HSPB1: variants seen among roughly 807,000 people sequenced by gnomAD.
HSPB1 encodes the protein heat shock protein beta-1.
HSPB1 carries 19 observed loss-of-function variants against 17.0 expected under a neutral mutation model. The observed-to-expected ratio is 1.12, with a 90% CI of 0.78 to 1.64. The LOEUF (loss-of-function observed/expected upper bound fraction) is 1.64, where lower values mean the gene tolerates loss of function less well. Ranked by LOEUF, HSPB1 falls within the 40% of genes most tolerant of loss-of-function variation. The probability of loss-of-function intolerance (pLI) is 0.00; values close to 1 mark genes in which losing one functional copy is unlikely to be tolerated. For synonymous variants in HSPB1, 165 were observed against 129.8 expected (o/e 1.27, Z -1.84); for missense variants, 348 against 289.2 (o/e 1.20, Z -1.47).
Position 76,304,126 on chromosome 7 carries a change from C to T in HSPB1, c.571C>T (p.Leu191Phe). 1.9e-6 allele frequency: 3 copies of T among 1,612,874 alleles called. No homozygotes were observed. Among genetic ancestry groups the T allele is most frequent in the Non-Finnish European group, 2.5e-6 (3 of 1,179,642 alleles). Reference protein sequence around the residue: ...IPVTFESRAQLGGPEAAKSDE... With the variant: ...IPVTFESRAQFGGPEAAKSDE... ...AGTCACCTTCGAGTCGCGGGCCCAG[C>T]TTGGGGGCCCAGAAGCTGCAAAATC... The change falls in exon 3 of 3, where the codon CTT (leucine) becomes TTT (phenylalanine). Residue 191 changes from leucine (L) to phenylalanine (F), a missense_variant. By Grantham distance (22) the Leu-to-Phe change is conservative. Transcript: ENST00000248553.
chr7:76,303,788 T>G lies in HSPB1; in HGVS notation c.365-14T>G, dbSNP rs759159152. On this transcript the variant is annotated splice_polypyrimidine_tract_variant and intron_variant, in intron 1 of 2. Coordinates refer to ENST00000248553, the MANE Select transcript of HSPB1 (RefSeq NM_001540.5). ...CCCCTCCCCCGCAGTCTGATTTCCC[T>G]CTTCCCCCCAAAGGCAAGCACGAGG... The G allele has an allele frequency of 1.2e-6, 2 of 1,609,722 alleles. No homozygotes were observed. The highest frequency in any genetic ancestry group is 1.1e-5 in the South Asian group (1 of 90,940).
In HSPB1 at chr7:76,302,739, G is replaced by A; in HGVS notation, c.27G>A (p.Ser9=). Residue 9 remains serine (S), a synonymous_variant, in exon 1 of 3, where the codon TCG becomes TCA. Transcript: ENST00000248553. MTERRVPF[S]LLRGPSWDPF... ...TGACCGAGCGCCGCGTCCCCTTCTC[G>A]CTCCTGCGGGGCCCCAGCTGGGACC... 6.2e-7 allele frequency: 1 copy of A among 1,605,050 alleles called. No individual in the cohort carries two copies. Among genetic ancestry groups the A allele is most frequent in the Non-Finnish European group, 8.5e-7 (1 of 1,179,796 alleles).
intron 1 of HSPB1, chr7:76,303,558 T>TGCGTACTGCTCACTCCCCAGCTCC (rs1803048634): frequency 1.7e-6 from 1 of 588,580 alleles, no homozygotes; most frequent in African/African-American, 1.9e-5. Flanking sequence ...CAAGTGCGCC[T>TGCGTACTGCTCACTCCCCAGCTCC]GCGTACTGCT....
chr7:76,303,080 AGCCCCCCT>A lies in HSPB1; in HGVS notation c.364+7_364+14del. 6.6e-7 allele frequency: 1 copy of A among 1,519,496 alleles called. No homozygotes were observed. The highest frequency in any genetic ancestry group is 8.8e-7 in the Non-Finnish European group (1 of 1,134,104). 94.1% of individuals were successfully genotyped at this position (1,519,496 alleles called of 1,614,324 possible). On this transcript the variant is annotated splice_donor_5th_base_variant and intron_variant, in intron 1 of 2. Coordinates refer to ENST00000248553, the MANE Select transcript of HSPB1 (RefSeq NM_001540.5). ...GATGGCGTGGTGGAGATCACCGGTGAGCCCCCCTGCTCCTGCAGGGGAGAGGAGGAGGC... is the reference window on the plus strand; with the variant it reads ...GATGGCGTGGTGGAGATCACCGGTGAGCTCCTGCAGGGGAGAGGAGGAGGC...
intron 1 of HSPB1, 80 bp from the exon 2 acceptor site, chr7:76,303,722 C>A: frequency 8.0e-7 from 1 of 1,256,462 alleles, no homozygotes. Context: ...TGCTTCCAAG[C>A]AGGAGGTGGG....
Position 76,304,240 on chromosome 7 carries a change from C to T in HSPB1, c.*67C>T. On this transcript the variant is annotated 3_prime_UTR_variant, in exon 3 of 3. Coordinates refer to ENST00000248553, the MANE Select transcript of HSPB1 (RefSeq NM_001540.5). Reference sequence around the variant, plus strand: ...GTGCCTCCCCCGCCACCTGTGTGTTCTTTTGATACATTTATCTTCTGTTTT... The same window carrying T: ...GTGCCTCCCCCGCCACCTGTGTGTTTTTTTGATACATTTATCTTCTGTTTT... 1 of 1,384,098 alleles carries T rather than the reference C, an allele frequency of 7.2e-7. No homozygotes were observed. The highest frequency in any genetic ancestry group is 1.2e-5 in the South Asian group (1 of 81,912). The allele number at this position is 1,384,098 out of a possible 1,614,324, so 85.7% of individuals were successfully genotyped here. A position where few individuals can be genotyped will look rare whatever the true frequency, so the allele number is the denominator to read the frequency against.
In HSPB1 at chr7:76,303,074, C is replaced by G; in HGVS notation, c.362C>G (p.Thr121Ser). The G allele has an allele frequency of 6.6e-7, 1 of 1,523,658 alleles. No individual in the cohort carries two copies. Among genetic ancestry groups the G allele is most frequent in the Non-Finnish European group, 8.8e-7 (1 of 1,136,402 alleles). The allele number at this position is 1,523,658 out of a possible 1,614,324, so 94.4% of individuals were successfully genotyped here. Residue 121 changes from threonine to serine, a missense_variant and splice_region_variant, in exon 1 of 3, where the codon ACC becomes AGC. Thr to Ser is a moderately conservative substitution (Grantham distance 58). Coordinates refer to ENST00000248553, the MANE Select transcript of HSPB1 (RefSeq NM_001540.5). ...ACCAAGGATGGCGTGGTGGAGATCA[C>G]CGGTGAGCCCCCCTGCTCCTGCAGG... ...VKTKDGVVEI[T>S]GKHEERQDEH...
Position 76,304,238 on chromosome 7 carries a change from TTC to T in HSPB1, c.*67_*68del. 7.1e-7 allele frequency: 1 copy of T among 1,402,712 alleles called. No individual in the cohort carries two copies. The highest frequency in any genetic ancestry group is 1.2e-5 in the South Asian group (1 of 82,534). 86.9% of individuals were successfully genotyped at this position (1,402,712 alleles called of 1,614,324 possible). ...CTGTGCCTCCCCCGCCACCTGTGTG[TTC>T]TTTTGATACATTTATCTTCTGTTTT... is the stretch of plus-strand genomic sequence containing the variant. On this transcript the variant is annotated 3_prime_UTR_variant, in exon 3 of 3. Transcript: ENST00000248553.
rs778981732 is a variant in HSPB1, at chr7:76,303,105, G to A, written c.364+29G>A. The A allele has an allele frequency of 1.1e-5, 16 of 1,505,552 alleles. No individual in the cohort carries two copies. The Admixed American group carries it at 2.5e-4, about 23-fold the overall frequency. The allele number at this position is 1,505,552 out of a possible 1,614,324, so 93.3% of individuals were successfully genotyped here. ...AGCCCCCCTGCTCCTGCAGGGGAGA[G>A]GAGGAGGCTAGCAGGGCGGGCAGGG... On this transcript the variant is annotated intron_variant, in intron 1 of 2. Coordinates refer to ENST00000248553, the MANE Select transcript of HSPB1 (RefSeq NM_001540.5).
At chr7:76,303,888 G>A (rs370751385) in intron 2 of HSPB1, 23 bp downstream of exon 2, 5 of 1,599,044 alleles carry the variant, frequency 3.1e-6, no homozygotes, top group Non-Finnish European at 4.3e-6. Context: ...GCCAGGTCGG[G>A]GTGGGTGGGT....
chr7:76,304,162 G>A lies in HSPB1; in HGVS notation c.607G>A (p.Ala203Thr), dbSNP rs1339660722. 5 of 1,610,898 alleles carry A rather than the reference G, an allele frequency of 3.1e-6. No individual in the cohort carries two copies. Among genetic ancestry groups the A allele is most frequent in the African/African-American group, 1.3e-5 (1 of 74,936 alleles). Residue 203 changes from alanine (A) to threonine (T), a missense_variant, in exon 3 of 3, where the codon GCC (alanine) becomes ACC (threonine). Ala to Thr is a moderately conservative substitution (Grantham distance 58). Coordinates refer to ENST00000248553, the MANE Select transcript of HSPB1 (RefSeq NM_001540.5). Reference protein sequence around the residue: ...GPEAAKSDETAAK With the variant: ...GPEAAKSDETTAK ...AGAAGCTGCAAAATCCGATGAGACT[G>A]CCGCCAAGTAAAGCCTTAGCCCGGA...
intron 1 of HSPB1, 71 bp from the exon 2 acceptor site, chr7:76,303,731 G>A (rs145206720): frequency 1.7e-5 from 23 of 1,369,966 alleles, no homozygotes; most frequent in Non-Finnish European, 2.3e-5. Context: ...GCAGGAGGTG[G>A]GGCCTCTGGC....
Position 76,303,095 on chromosome 7 carries a change from G to A in HSPB1, c.364+19G>A, listed in dbSNP as rs1396315911. 1 of 1,510,728 alleles carries A rather than the reference G, an allele frequency of 6.6e-7. No individual in the cohort carries two copies. Among genetic ancestry groups the A allele is most frequent in the Non-Finnish European group, 8.8e-7 (1 of 1,130,140 alleles). The allele number at this position is 1,510,728 out of a possible 1,614,324, so 93.6% of individuals were successfully genotyped here. ...ATCACCGGTGAGCCCCCCTGCTCCT[G>A]CAGGGGAGAGGAGGAGGCTAGCAGG... On this transcript the variant is annotated intron_variant, in intron 1 of 2. Transcript: ENST00000248553.
At position 76,304,244 on chromosome 7, in the gene HSPB1, T is replaced by C. The variant is rs187491987; in HGVS notation, c.*71T>C. On this transcript the variant is annotated 3_prime_UTR_variant, in exon 3 of 3. Coordinates refer to ENST00000248553, the MANE Select transcript of HSPB1 (RefSeq NM_001540.5). ...CTCCCCCGCCACCTGTGTGTTCTTT[T>C]GATACATTTATCTTCTGTTTTTCTC... The C allele has an allele frequency of 2.1e-5, 29 of 1,370,486 alleles. No homozygotes were observed. Among genetic ancestry groups the C allele is most frequent in the Non-Finnish European group, 1.6e-5 (16 of 978,574 alleles). The allele number at this position is 1,370,486 out of a possible 1,614,324, so 84.9% of individuals were successfully genotyped here.
intron 1 of HSPB1, 143 bp downstream of exon 1, chr7:76,303,219 C>G: frequency 9.8e-7 from 1 of 1,021,030 alleles, no homozygotes; most frequent in Non-Finnish European, 1.4e-6. Context: ...TCCTGATTCC[C>G]TTGCTCAGGA....
At chr7:76,303,581 C>T in intron 1 of HSPB1, 1 of 608,404 alleles carries the variant, frequency 1.6e-6, no homozygotes. Context: ...CTCCCCAGCT[C>T]CGCGCCCTGC....
Position 76,302,983 on chromosome 7 carries a change from A to T in HSPB1, c.271A>T (p.Thr91Ser). ...CAGCGGGGTCTCGGAGATCCGGCAC[A>T]CTGCGGACCGCTGGCGCGTGTCCCT... Reference protein sequence around the residue: ...LSSGVSEIRHTADRWRVSLDV... With the variant: ...LSSGVSEIRHSADRWRVSLDV... Residue 91 changes from threonine to serine, a missense_variant, in exon 1 of 3, where the codon ACT (threonine) becomes TCT (serine). Transcript: ENST00000248553. 1 of 1,543,640 alleles carries T rather than the reference A, an allele frequency of 6.5e-7. No homozygotes were observed. Among genetic ancestry groups the T allele is most frequent in the Non-Finnish European group, 8.7e-7 (1 of 1,149,918 alleles).
intron 1 of HSPB1, chr7:76,303,393 A>AT (rs1162673454): frequency 1.4e-5 from 7 of 487,870 alleles, no homozygotes; most frequent in Non-Finnish European, 1.4e-5. Flanking sequence ...ACAAAAAAAA[A>AT]GCAAACAAAA....
rs763084460 is a variant in HSPB1 at position 76,302,887 on chromosome 7, C to G, written c.175C>G (p.Pro59Ala). ...CTGGCCAGGCTACGTGCGCCCCCTG[C>G]CCCCCGCCGCCATCGAGAGCCCCGC... ...SSWPGYVRPL[P>A]PAAIESPAVA... The change falls in exon 1 of 3, where the codon CCC (proline) becomes GCC (alanine). Residue 59 changes from proline to alanine, a missense_variant. By Grantham distance (27) the Pro-to-Ala change is conservative. Transcript: ENST00000248553. 1 of 1,560,292 alleles carries G rather than the reference C, an allele frequency of 6.4e-7. No individual in the cohort carries two copies. The highest frequency in any genetic ancestry group is 1.2e-5 in the South Asian group (1 of 86,648).
Sources: gnomAD v4.1 joint callset for allele counts on GRCh38, gnomAD v4.1.1 for gene constraint, MANE v1.5 for transcripts, NCBI Gene and HGNC (gene_info 2026-07-23, HGNC 2026-07-21) for gene names.